Variants in TMEM50A observed in about 807,000 individuals in gnomAD.
TMEM50A encodes the protein transmembrane protein 50A, also known as cervical cancer oncogene 9.
In TMEM50A, 8 loss-of-function variants were observed where a neutral mutation model predicts 23.9. That is an observed-to-expected ratio of 0.33 (90% CI 0.20 to 0.60). The LOEUF (loss-of-function observed/expected upper bound fraction) is 0.60, where lower values mean the gene tolerates loss of function less well. Ranked by LOEUF, TMEM50A falls within the 20% of genes least tolerant of loss-of-function variation. The probability of loss-of-function intolerance (pLI) is 0.81; values close to 1 mark genes in which losing one functional copy is unlikely to be tolerated. For synonymous variants in TMEM50A, 55 were observed against 60.4 expected (o/e 0.91, Z 0.41); for missense variants, 178 against 192.7 (o/e 0.92, Z 0.45).
At chr1:25,347,952 A>G (rs1228285966) in intron 3 of TMEM50A, among the ~76,000 whole-genome samples, 2 of 152,134 alleles carry the variant, frequency 1.3e-5, no homozygotes, top group Non-Finnish European at 2.9e-5. Context: ...TATTTTTGTG[A>G]TTGTATTTTT....
At position 25,342,975 on chromosome 1, in the gene TMEM50A, G is replaced by T; in HGVS notation, c.108G>T (p.Trp36Cys). 1 of 1,612,352 alleles carries T rather than the reference G, an allele frequency of 6.2e-7. No homozygotes were observed. The highest frequency in any genetic ancestry group is 8.5e-7 in the Non-Finnish European group (1 of 1,179,446). Residue 36 changes from tryptophan (W) to cysteine (C), a missense_variant, in exon 3 of 7, where the codon TGG becomes TGT. Trp to Cys is a radical substitution (Grantham distance 215). Transcript: ENST00000374358. ...CTTTGTTTTAGTTTTTTACAGGCTG[G>T]TGGATTATCATAGATGCAGCTGTTA... ...IAAGVLFFTG[W>C]WIIIDAAVIY... is the part of the protein sequence containing the mutation.
chr1:25,349,832 AAGAC>A (rs1199932388), intron 3 of TMEM50A, among the ~76,000 whole-genome samples: 1 of 152,264 alleles, frequency 6.6e-6, no homozygotes, highest in African/African-American at 2.4e-5. Context: ...AATGAGAAAC[AAGAC>A]AGACAATGGC....
rs767774347 is a variant in TMEM50A at position 25,352,898 on chromosome 1, T to C, written c.291T>C (p.Leu97=). ...TCTTTGAAGGTGCTCGCATTTGGCTTTTCGTTGGTTTCATGTTGGCCTTTG... is the reference window on the plus strand; with the variant it reads ...TCTTTGAAGGTGCTCGCATTTGGCTCTTCGTTGGTTTCATGTTGGCCTTTG... ...CLGQTGARIW[L]FVGFMLAFGS... is the part of the protein sequence containing the mutation. Residue 97 remains leucine, a synonymous_variant, in exon 5 of 7, where the codon CTT becomes CTC. Coordinates refer to ENST00000374358, the MANE Select transcript of TMEM50A (RefSeq NM_014313.4). The C allele has an allele frequency of 6.2e-7, 1 of 1,613,746 alleles. No individual in the cohort carries two copies. The highest frequency in any genetic ancestry group is 1.1e-5 in the South Asian group (1 of 90,934).
At chr1:25,350,611 C>A (rs1297923954) in intron 3 of TMEM50A, among the ~76,000 whole-genome samples, 1 of 152,024 alleles carries the variant, frequency 6.6e-6, no homozygotes, top group Non-Finnish European at 1.5e-5. Flanking sequence ...TGGTCTTGAA[C>A]TCCTCACCTC....
intron 1 of TMEM50A, among the ~76,000 whole-genome samples, chr1:25,340,000 G>A (rs768642248): frequency 4.3e-4 from 65 of 152,066 alleles, no homozygotes; most frequent in Non-Finnish European, 3.1e-4. Context: ...GCAGTGGCAC[G>A]ATCTCGGCTC....
intron 3 of TMEM50A, among the ~76,000 whole-genome samples, chr1:25,350,503 C>T (rs1374763068): frequency 6.6e-6 from 1 of 152,112 alleles, no homozygotes. Context: ...ATTCTCCTGC[C>T]TCAGCCTCCC....
At position 25,361,756 on chromosome 1, in the gene TMEM50A, G is replaced by A. The variant is rs1645408142; in HGVS notation, c.*1051G>A. 6.6e-6 allele frequency: 1 copy of A among 152,478 alleles called. No homozygotes were observed. The highest frequency in any genetic ancestry group is 1.5e-5 in the Non-Finnish European group (1 of 68,280). The allele number at this position is 152,478 out of a possible 1,614,324, so 9.4% of individuals were successfully genotyped here. A position where few individuals can be genotyped will look rare whatever the true frequency, so the allele number is the denominator to read the frequency against. On this transcript the variant is annotated 3_prime_UTR_variant, in exon 7 of 7. Coordinates refer to ENST00000374358, the MANE Select transcript of TMEM50A (RefSeq NM_014313.4). ...TTAAATGTGTGGGTCTCATTTCCATGCTAGCCATGGTCATCTGACAGTCTC... is the reference window on the plus strand; with the variant it reads ...TTAAATGTGTGGGTCTCATTTCCATACTAGCCATGGTCATCTGACAGTCTC...
At chr1:25,354,663 C>A (rs1645314981) in intron 5 of TMEM50A, among the ~76,000 whole-genome samples, 4 of 152,034 alleles carry the variant, frequency 2.6e-5, no homozygotes, top group Non-Finnish European at 5.9e-5. Context: ...AATAATTTCA[C>A]CACTCTTCAA....
intron 1 of TMEM50A, 148 bp downstream of exon 1, chr1:25,338,604 C>G (rs1645128521): frequency 6.6e-6 from 1 of 152,436 alleles, no homozygotes; most frequent in Non-Finnish European, 1.5e-5. Context: ...GCTGAGCCGC[C>G]GCGGACCTCT....
chr1:25,353,762 T>C (rs1645304569), intron 5 of TMEM50A, among the ~76,000 whole-genome samples: 1 of 152,160 alleles, frequency 6.6e-6, no homozygotes, highest in African/African-American at 2.4e-5. Flanking sequence ...AGAAAACCCA[T>C]TTAATGGTCC....
chr1:25,353,188 C>G lies in TMEM50A; in HGVS notation c.367+214C>G, dbSNP rs546350034. Among the ~76,000 whole-genome samples, 87 of 152,264 alleles carry G rather than the reference C, an allele frequency of 5.7e-4. 1 individual carries two copies. The South Asian group carries it at 6.8e-3, about 12-fold the overall frequency. On this transcript the variant is annotated intron_variant, in intron 5 of 6. Coordinates refer to ENST00000374358, the MANE Select transcript of TMEM50A (RefSeq NM_014313.4). Reference sequence around the variant, plus strand: ...TTTCTTCAGTCATTTTTCTTCTTATCCAGAGCCTGGAAGGGATGAGACAGC... The same window carrying G: ...TTTCTTCAGTCATTTTTCTTCTTATGCAGAGCCTGGAAGGGATGAGACAGC...
At position 25,361,098 on chromosome 1, in the gene TMEM50A, G is replaced by T; in HGVS notation, c.*393G>T. On this transcript the variant is annotated 3_prime_UTR_variant, in exon 7 of 7. Coordinates refer to ENST00000374358, the MANE Select transcript of TMEM50A (RefSeq NM_014313.4). ...TTTATTCAAATGTGGTCTCTTCTGT[G>T]TCAAATGTTAAATGAAATATAAACA... 1 of 165,062 alleles carries T rather than the reference G, an allele frequency of 6.1e-6. No homozygotes were observed. The allele number at this position is 165,062 out of a possible 1,614,324, so 10.2% of individuals were successfully genotyped here.
At chr1:25,356,017 C>G (rs150481942) in intron 5 of TMEM50A, among the ~76,000 whole-genome samples, 13 of 152,336 alleles carry the variant, frequency 8.5e-5, no homozygotes, top group African/African-American at 3.1e-4. Context: ...TTTACCATCT[C>G]TCCATTGCTA....
Position 25,360,846 on chromosome 1 carries a change from C to T in TMEM50A, c.*141C>T. The T allele has an allele frequency of 3.8e-6, 3 of 787,754 alleles. No homozygotes were observed. In the South Asian group the frequency reaches 5.7e-5, roughly 15 times the overall value. The allele number at this position is 787,754 out of a possible 1,614,324, so 48.8% of individuals were successfully genotyped here. On this transcript the variant is annotated 3_prime_UTR_variant, in exon 7 of 7. Coordinates refer to ENST00000374358, the MANE Select transcript of TMEM50A (RefSeq NM_014313.4). ...GCTTAAAGTTGTGTAATACTAAAAT[C>T]ACGAGAACACCTAAACAACAACCAA... is the stretch of plus-strand genomic sequence containing the variant.
chr1:25,358,652 A>G (rs1217895040), intron 6 of TMEM50A, among the ~76,000 whole-genome samples: 2 of 152,222 alleles, frequency 1.3e-5, no homozygotes, highest in Non-Finnish European at 2.9e-5. Flanking sequence ...TCTTTGGGTT[A>G]TACCTTGTAT....
At chr1:25,357,609 A>AGTGTGTGTGTGT (rs60773283) in intron 6 of TMEM50A, among the ~76,000 whole-genome samples, 36 of 111,536 alleles carry the variant, frequency 3.2e-4, no homozygotes, top group African/African-American at 4.6e-4. Context: ...TCTCTCACCC[A>AGTGTGTGTGTGT]GTGTGTGTGT....
intron 2 of TMEM50A, among the ~76,000 whole-genome samples, chr1:25,340,968 A>G (rs1645160786): frequency 6.6e-6 from 1 of 152,212 alleles, no homozygotes; most frequent in African/African-American, 2.4e-5. Context: ...CAGGGAAAAA[A>G]AAGTGCTCGC....
At chr1:25,346,049 A>G (rs561235023) in intron 3 of TMEM50A, among the ~76,000 whole-genome samples, 18 of 152,100 alleles carry the variant, frequency 1.2e-4, no homozygotes, top group Admixed American at 1.2e-3. Flanking sequence ...CGGCCTCCCA[A>G]AGTGCTGGGA....
At chr1:25,349,051 A>G (rs1280334134) in intron 3 of TMEM50A, among the ~76,000 whole-genome samples, 3 of 152,138 alleles carry the variant, frequency 2.0e-5, no homozygotes, top group African/African-American at 7.2e-5. Flanking sequence ...GGGATGGAAG[A>G]AGGCAGCCCT....
Sources: gnomAD v4.1 joint callset for allele counts (sites outside exome capture counted in the v4.1 genomes callset) on GRCh38, gnomAD v4.1.1 for gene constraint, MANE v1.5 for transcripts, NCBI Gene and HGNC (gene_info 2026-07-23, HGNC 2026-07-21) for gene names.